The following CAMTA1 variants were observed in gnomAD, a reference collection of about 807,000 sequenced individuals.
The protein encoded by CAMTA1 is calmodulin-binding transcription activator 1.
A neutral mutation model predicts 170.9 loss-of-function variants in CAMTA1; 27 were observed. The ratio of observed to expected loss-of-function variants is 0.16; its 90% CI spans 0.12 to 0.22. The LOEUF (loss-of-function observed/expected upper bound fraction) is 0.22, where lower values mean the gene tolerates loss of function less well. CAMTA1 is among the 10% of genes least tolerant of loss of function. CAMTA1 has a pLI of 1.00. For missense variants in CAMTA1, 1,619 were observed against 2,217.2 expected (o/e 0.73, Z 5.42); for synonymous variants, 833 against 891.5 (o/e 0.93, Z 1.17).
chr1:7,101,293 G>A (rs976834310), intron 4 of CAMTA1, among the ~76,000 whole-genome samples: 8 of 152,104 alleles, frequency 5.3e-5, no homozygotes, highest in Non-Finnish European at 1.0e-4. Flanking sequence ...ATTGTTACTC[G>A]CTGCCCATGG....
intron 6 of CAMTA1, among the ~76,000 whole-genome samples, chr1:7,525,913 G>A (rs1163590258): frequency 2.0e-5 from 3 of 152,080 alleles, no homozygotes; most frequent in East Asian, 3.9e-4. Flanking sequence ...ACAGACCCAC[G>A]GCCTGTGGGA....
chr1:7,017,228 T>C (rs577914042), intron 3 of CAMTA1, among the ~76,000 whole-genome samples: 2 of 152,240 alleles, frequency 1.3e-5, no homozygotes, highest in Non-Finnish European at 2.9e-5. Flanking sequence ...ATGCTGGCTC[T>C]GATGGGCCTT....
At chr1:6,804,737 A>G (rs1644317651) in intron 1 of CAMTA1, among the ~76,000 whole-genome samples, 1 of 152,032 alleles carries the variant, frequency 6.6e-6, no homozygotes, top group Admixed American at 6.6e-5. Context: ...ATTTAATATA[A>G]TAGAGATGGG....
At chr1:7,158,196 A>G (rs1053345583) in intron 4 of CAMTA1, among the ~76,000 whole-genome samples, 3 of 152,206 alleles carry the variant, frequency 2.0e-5, no homozygotes, top group African/African-American at 7.2e-5. Flanking sequence ...GATACATGCC[A>G]CACACATGGA....
intron 3 of CAMTA1, among the ~76,000 whole-genome samples, chr1:6,919,676 A>G (rs1329962131): frequency 1.3e-5 from 2 of 152,194 alleles, no homozygotes; most frequent in Non-Finnish European, 1.5e-5. Context: ...TTATGAAAGA[A>G]AGAGGTTTAA....
chr1:7,095,715 C>T (rs114944036), intron 4 of CAMTA1, among the ~76,000 whole-genome samples: 3,055 of 152,266 alleles, frequency 0.02, 36 homozygotes, highest in Middle Eastern at 0.024. Flanking sequence ...GTGGCTCATA[C>T]GTGCCAGCCA....
chr1:6,843,614 GGAT>G (rs1364376138), intron 3 of CAMTA1, among the ~76,000 whole-genome samples: 1 of 152,104 alleles, frequency 6.6e-6, no homozygotes, highest in African/African-American at 2.4e-5. Context: ...CAGGTAGCTG[GGAT>G]TACAGGCACG....
intron 3 of CAMTA1, among the ~76,000 whole-genome samples, chr1:7,087,515 A>G (rs568190878): frequency 1.3e-5 from 2 of 152,272 alleles, no homozygotes; most frequent in African/African-American, 4.8e-5. Context: ...CTGGGCTGGG[A>G]AAAGTTCAGT....
intron 11 of CAMTA1, among the ~76,000 whole-genome samples, chr1:7,684,865 C>G (rs1004872881): frequency 2.6e-5 from 4 of 152,130 alleles, no homozygotes; most frequent in Non-Finnish European, 5.9e-5. Context: ...GCCGTCAGGC[C>G]TCACTGAAGG....
rs189356960 is a variant in CAMTA1, at chr1:7,256,779, T to A, written c.438+7153T>A. On this transcript the variant is annotated intron_variant, in intron 5 of 22. Transcript: ENST00000303635. ...GTTTAGGATCAAGGTGCAGGCGGAT[T>A]TGGTGTCTGGTGAGGGCCTGTTTCC... 1.2e-3 allele frequency among the ~76,000 whole-genome samples: 186 copies of A among 152,228 alleles called. 1 individual carries two copies. Among genetic ancestry groups the A allele is most frequent in the African/African-American group, 4.2e-3 (176 of 41,528 alleles).
At chr1:7,514,570 A>C (rs2094253049) in intron 6 of CAMTA1, among the ~76,000 whole-genome samples, 1 of 152,366 alleles carries the variant, frequency 6.6e-6, no homozygotes, top group African/African-American at 2.4e-5. Flanking sequence ...CCTAAGGAGA[A>C]AAGAGAGATC....
rs112308669 is a variant in CAMTA1, at chr1:7,423,196, C to T, written c.439-44634C>T. 2.1e-4 allele frequency among the ~76,000 whole-genome samples: 32 copies of T among 152,264 alleles called. 1 individual carries two copies. The South Asian group carries it at 5.4e-3, about 26-fold the overall frequency. Reference sequence around the variant, plus strand: ...TTTAGAAGCAGTGCACAGGGCCAGGCGTGGTGGCTCAGGCCTGTAAGCCCA... The same window carrying T: ...TTTAGAAGCAGTGCACAGGGCCAGGTGTGGTGGCTCAGGCCTGTAAGCCCA... On this transcript the variant is annotated intron_variant, in intron 5 of 22. Transcript: ENST00000303635.
intron 4 of CAMTA1, among the ~76,000 whole-genome samples, chr1:7,155,389 G>A (rs529372815): frequency 3.3e-5 from 5 of 150,268 alleles, no homozygotes; most frequent in African/African-American, 4.9e-5. Context: ...GGCACCGTTG[G>A]GGGGGGGATT....
chr1:7,698,067 C>G (rs1426506336), intron 11 of CAMTA1, among the ~76,000 whole-genome samples: 2 of 98,050 alleles, frequency 2.0e-5, no homozygotes, highest in Non-Finnish European at 4.0e-5. Context: ...GCTGGCCACG[C>G]ACTGTGACCC....
chr1:7,520,619 G>A (rs569144293), intron 6 of CAMTA1, among the ~76,000 whole-genome samples: 66 of 151,976 alleles, frequency 4.3e-4, no homozygotes, highest in Non-Finnish European at 7.2e-4. Flanking sequence ...CTGCCCCAGA[G>A]GGGAGCAGGG....
intron 9 of CAMTA1, among the ~76,000 whole-genome samples, chr1:7,669,922 T>C (rs2096041789): frequency 6.6e-6 from 1 of 152,170 alleles, no homozygotes; most frequent in South Asian, 2.1e-4. Context: ...AGCAGGACAA[T>C]GGCCATGAAG....
chr1:6,854,825 A>G (rs562069630), intron 3 of CAMTA1, among the ~76,000 whole-genome samples: 1 of 152,382 alleles, frequency 6.6e-6, no homozygotes, highest in East Asian at 1.9e-4. Context: ...TTCAAAATGG[A>G]ATCTCTTAAT....
intron 6 of CAMTA1, among the ~76,000 whole-genome samples, chr1:7,611,093 T>G (rs764788613): frequency 3.9e-5 from 6 of 152,096 alleles, no homozygotes; most frequent in Middle Eastern, 3.4e-3. Flanking sequence ...AGAGTGAAAG[T>G]ACCCACCTCC....
intron 3 of CAMTA1, among the ~76,000 whole-genome samples, chr1:6,845,065 C>T (rs1383079243): frequency 1.3e-5 from 2 of 152,188 alleles, no homozygotes; most frequent in Admixed American, 6.5e-5. Context: ...AGCACCTCTC[C>T]TGAAGCACCT....
Sources: allele counts gnomAD v4.1 joint callset (sites outside exome capture counted in the v4.1 genomes callset), GRCh38; gene constraint gnomAD v4.1.1; transcripts MANE v1.5; gene names NCBI Gene and HGNC (gene_info 2026-07-23, HGNC 2026-07-21).